The following CCSER1 variants were observed in gnomAD, a reference collection of about 807,000 sequenced individuals.
The protein encoded by CCSER1 is coiled-coil serine rich protein 1.
CCSER1 carries 41 observed loss-of-function variants against 82.0 expected under a neutral mutation model. The ratio of observed to expected loss-of-function variants is 0.50; its 90% confidence interval spans 0.39 to 0.65. CCSER1 has a LOEUF of 0.65. CCSER1 is among the 30% of genes least tolerant of loss of function. CCSER1 has a pLI of 0.00. For synonymous variants in CCSER1, 414 were observed against 383.9 expected (o/e 1.08, Z -0.92); for missense variants, 1,119 against 1,064.2 (o/e 1.05, Z -0.72).
intron 10 of CCSER1, among the ~76,000 whole-genome samples, chr4:91,314,364 A>G (rs949450007): frequency 6.6e-6 from 1 of 151,936 alleles, no homozygotes; most frequent in African/African-American, 2.4e-5. Flanking sequence ...GCCTGTCTTC[A>G]TGTATCTAGG....
intron 10 of CCSER1, among the ~76,000 whole-genome samples, chr4:91,437,287 A>C (rs1286047016): frequency 6.6e-6 from 1 of 152,232 alleles, no homozygotes; most frequent in African/African-American, 2.4e-5. Context: ...GTTTGTTCAG[A>C]AGGCAGTTTA....
At chr4:91,257,084 A>T (rs2149159240) in intron 10 of CCSER1, among the ~76,000 whole-genome samples, 1 of 152,304 alleles carries the variant, frequency 6.6e-6, no homozygotes, top group East Asian at 1.9e-4. Flanking sequence ...ATGTGTGGGT[A>T]GAAAGCATCA....
intron 9 of CCSER1, among the ~76,000 whole-genome samples, chr4:90,988,761 C>T (rs1378845440): frequency 6.6e-6 from 1 of 151,584 alleles, no homozygotes; most frequent in African/African-American, 2.4e-5. Flanking sequence ...CTGATATTTT[C>T]ACTACTTATT....
chr4:90,399,956 C>T (rs1578276924), intron 3 of CCSER1, 80 bp from the exon 4 acceptor site: 1 of 678,710 alleles, frequency 1.5e-6, no homozygotes, highest in Non-Finnish European at 2.5e-6. Context: ...TTCATTTTTG[C>T]TTCACGGCTT....
At chr4:90,459,999 T>C (rs1310770673) in intron 4 of CCSER1, among the ~76,000 whole-genome samples, 1 of 152,134 alleles carries the variant, frequency 6.6e-6, no homozygotes, top group Admixed American at 6.5e-5. Flanking sequence ...TAGAAAAAAA[T>C]TTCACAACGA....
At chr4:90,947,715 C>A (rs1468261461) in intron 9 of CCSER1, among the ~76,000 whole-genome samples, 1 of 152,120 alleles carries the variant, frequency 6.6e-6, no homozygotes, top group Non-Finnish European at 1.5e-5. Flanking sequence ...AGTCATTTAT[C>A]TCCTTACAAC....
Position 91,430,331 on chromosome 4 carries a change from T to C in CCSER1, c.2218-168241T>C, listed in dbSNP as rs1480141318. Among the ~76,000 whole-genome samples the C allele has an allele frequency of 1.3e-5, 2 of 152,184 alleles. 1 individual carries two copies. Among genetic ancestry groups the C allele is most frequent in the Middle Eastern group, 6.3e-3 (2 of 316 alleles). On this transcript the variant is annotated intron_variant, in intron 10 of 10. Coordinates refer to ENST00000509176, the MANE Select transcript of CCSER1 (RefSeq NM_001145065.2). ...TATTGTAAAAACAGTTTTTATTGCA[T>C]AGGGTATGTGTATTATTTGAAACGT...
chr4:90,620,656 A>C (rs1722142230), intron 5 of CCSER1, among the ~76,000 whole-genome samples: 1 of 152,164 alleles, frequency 6.6e-6, no homozygotes, highest in African/African-American at 2.4e-5. Context: ...TCCCAGTTAG[A>C]ATGCCTTCCC....
chr4:91,124,493 A>T (rs1290537825), intron 10 of CCSER1, among the ~76,000 whole-genome samples: 1 of 151,726 alleles, frequency 6.6e-6, no homozygotes, highest in Non-Finnish European at 1.5e-5. Flanking sequence ...GGAAGACAGG[A>T]CTTGATTCAA....
intron 1 of CCSER1, among the ~76,000 whole-genome samples, chr4:90,280,398 T>G (rs1728648053): frequency 6.6e-6 from 1 of 151,828 alleles, no homozygotes; most frequent in Non-Finnish European, 1.5e-5. Flanking sequence ...CATCTCCTGT[T>G]TTTTTCTTCT....
rs573223489 is a variant in CCSER1, at chr4:91,281,607, C to G, written c.2217+195613C>G. On this transcript the variant is annotated intron_variant, in intron 10 of 10. Transcript: ENST00000509176. The stretch of plus-strand genomic sequence containing the variant: ...AAGAAGTATCATGTAGTAAATGCCT[C>G]GGAACCAGTTAGATAAAAATGTAAA... Among the ~76,000 whole-genome samples, 24 of 152,228 alleles carry G rather than the reference C, an allele frequency of 1.6e-4. 1 individual carries two copies. Among genetic ancestry groups the G allele is most frequent in the Non-Finnish European group, 2.9e-5 (2 of 68,002 alleles).
chr4:91,319,617 T>TC (rs1746058381), intron 10 of CCSER1: 1 of 454,376 alleles, frequency 2.2e-6, no homozygotes, highest in African/African-American at 2.0e-5. Flanking sequence ...GAATTGCAGT[T>TC]TTTGACATAT....
chr4:90,836,382 C>T (rs1435162666), intron 8 of CCSER1, among the ~76,000 whole-genome samples: 2 of 151,994 alleles, frequency 1.3e-5, no homozygotes, highest in East Asian at 3.9e-4. Flanking sequence ...TGAGCAGATG[C>T]ATATTCTTCT....
intron 10 of CCSER1, among the ~76,000 whole-genome samples, chr4:91,341,995 A>T (rs1463976433): frequency 6.6e-6 from 1 of 152,242 alleles, no homozygotes; most frequent in East Asian, 1.9e-4. Context: ...AAGGGCACAG[A>T]GTAAGAGGAA....
intron 1 of CCSER1, among the ~76,000 whole-genome samples, chr4:90,298,023 AGGATCCCCTCTTTT>A (rs1732329122): frequency 6.6e-6 from 1 of 152,084 alleles, no homozygotes; most frequent in East Asian, 1.9e-4. Flanking sequence ...TGAGTTAGGG[AGGATCCCCTCTTTT>A]CTATTGATTG....
At chr4:90,939,680 A>T (rs185325155) in intron 9 of CCSER1, among the ~76,000 whole-genome samples, 192 of 152,300 alleles carry the variant, frequency 1.3e-3, no homozygotes, top group Non-Finnish European at 2.4e-3. Context: ...AATGGTGGTA[A>T]CCTTTATAAA....
intron 6 of CCSER1, among the ~76,000 whole-genome samples, chr4:90,690,076 G>A (rs1735551366): frequency 6.6e-6 from 1 of 152,094 alleles, no homozygotes; most frequent in South Asian, 2.1e-4. Flanking sequence ...CACTGCTGGT[G>A]CTCCACACAA....
At chr4:90,772,321 C>T (rs984951530) in intron 7 of CCSER1, among the ~76,000 whole-genome samples, 2 of 151,944 alleles carry the variant, frequency 1.3e-5, no homozygotes, top group South Asian at 2.1e-4. Context: ...ATATGACAAA[C>T]TTCAGGTTAA....
intron 5 of CCSER1, among the ~76,000 whole-genome samples, chr4:90,600,885 T>G (rs1783955855): frequency 6.6e-6 from 1 of 151,964 alleles, no homozygotes; most frequent in Non-Finnish European, 1.5e-5. Flanking sequence ...TAAGCAATAT[T>G]TTTTAGTTTT....
Sources: gnomAD v4.1 joint callset for allele counts (sites outside exome capture counted in the v4.1 genomes callset) on GRCh38, gnomAD v4.1.1 for gene constraint, MANE v1.5 for transcripts, NCBI Gene and HGNC (gene_info 2026-07-23, HGNC 2026-07-21) for gene names.